ASIP: variants seen among roughly 807,000 people sequenced by gnomAD.
ASIP encodes agouti signaling protein.
In ASIP, 11 loss-of-function variants were observed where a neutral mutation model predicts 10.3. The observed-to-expected ratio is 1.07, with a 90% CI of 0.68 to 1.78. The LOEUF is 1.78. Ranked by LOEUF, ASIP falls within the 40% of genes most tolerant of loss-of-function variation. The probability of loss-of-function intolerance (pLI) is 0.00; values close to 1 mark genes in which losing one functional copy is unlikely to be tolerated. For missense variants in ASIP, 180 were observed against 169.2 expected (o/e 1.06, Z -0.35); for synonymous variants, 70 against 70.8 (o/e 0.99, Z 0.06).
At position 34,214,621 on chromosome 20, in the gene ASIP, G is replaced by A; in HGVS notation, c.-11+19861G>A. On this transcript the variant is annotated intron_variant, in intron 1 of 3. Transcript: ENST00000568305. Reference sequence around the variant, plus strand: ...CAGTAGTAACTCTCGTGAAACTTGAGCAAGCCTGTCCAACACTAACTTCAG... The same window carrying A: ...CAGTAGTAACTCTCGTGAAACTTGAACAAGCCTGTCCAACACTAACTTCAG... The A allele has an allele frequency of 2.3e-5, 28 of 1,205,840 alleles. No homozygotes were observed. The South Asian group carries it at 3.4e-4, about 14-fold the overall frequency. 74.7% of individuals were successfully genotyped at this position (1,205,840 alleles called of 1,614,324 possible).
At chr20:34,234,317 A>C (rs577597508) in intron 1 of ASIP, among the ~76,000 whole-genome samples, 12 of 152,308 alleles carry the variant, frequency 7.9e-5, no homozygotes, top group African/African-American at 2.9e-4. Flanking sequence ...CTAGTGCCTA[A>C]GAATCAGTAA....
At chr20:34,222,968 C>T (rs2035059900) in intron 1 of ASIP, among the ~76,000 whole-genome samples, 1 of 152,108 alleles carries the variant, frequency 6.6e-6, no homozygotes. Context: ...GGCGTGATCT[C>T]GGCTCACTAC....
At chr20:34,187,799 A>C in the ASIP span, among the ~76,000 whole-genome samples, 1 of 152,214 alleles carries the variant, frequency 6.6e-6, no homozygotes, top group Admixed American at 6.5e-5. Flanking sequence ...CTTTAAGAGG[A>C]AAAGATACTT....
chr20:34,224,190 G>A (rs1162508965), intron 1 of ASIP, among the ~76,000 whole-genome samples: 2 of 148,726 alleles, frequency 1.3e-5, no homozygotes, highest in South Asian at 4.3e-4. Flanking sequence ...ATCCCCCTCT[G>A]TGAGAAACAC....
Position 34,233,527 on chromosome 20 carries a change from A to G in ASIP, c.-10-26838A>G, listed in dbSNP as rs574204262. ...CTACATACTGTAGGATGGTTGCACA[A>G]CTCTGTGAATAAACTAAAAACCTTC... On this transcript the variant is annotated intron_variant, in intron 1 of 3. Coordinates refer to the ASIP transcript ENST00000568305. 3.9e-5 allele frequency among the ~76,000 whole-genome samples: 6 copies of G among 152,272 alleles called. No individual in the cohort carries two copies. In the South Asian group the frequency reaches 1.2e-3, roughly 32 times the overall value.
intron 1 of ASIP, among the ~76,000 whole-genome samples, chr20:34,234,597 C>T (rs555243797): frequency 6.6e-6 from 1 of 151,740 alleles, no homozygotes; most frequent in African/African-American, 2.4e-5. Context: ...GACAGTGGTC[C>T]TATAAACCAG....
intron 1 of ASIP, among the ~76,000 whole-genome samples, chr20:34,226,306 T>A (rs2035092682): frequency 6.6e-6 from 1 of 152,208 alleles, no homozygotes. Flanking sequence ...ACATTTTCAA[T>A]AAATACATTA....
chr20:34,258,696 C>CACA (rs1280206295), intron 1 of ASIP, among the ~76,000 whole-genome samples: 1 of 11,652 alleles, frequency 8.6e-5, no homozygotes, highest in Non-Finnish European at 2.3e-4. Context: ...TATATACATA[C>CACA]TATATATATA....
At chr20:34,249,713 C>T (rs1440981119) in intron 1 of ASIP, among the ~76,000 whole-genome samples, 1 of 152,146 alleles carries the variant, frequency 6.6e-6, no homozygotes, top group Admixed American at 6.5e-5. Flanking sequence ...TTGTTAGTTA[C>T]TTGTCTCTCT....
chr20:34,246,935 T>C (rs1039690440), intron 1 of ASIP, among the ~76,000 whole-genome samples: 2 of 152,170 alleles, frequency 1.3e-5, no homozygotes, highest in Non-Finnish European at 2.9e-5. Flanking sequence ...GAGTTTAACA[T>C]TTTATGTTTT....
chr20:34,202,305 T>C (rs981090011), intron 1 of ASIP, among the ~76,000 whole-genome samples: 6 of 152,232 alleles, frequency 3.9e-5, no homozygotes, highest in Non-Finnish European at 7.3e-5. Flanking sequence ...TATTGAGCAA[T>C]TGAAATACTA....
At chr20:34,254,915 G>A (rs2035542450) in intron 1 of ASIP, among the ~76,000 whole-genome samples, 1 of 152,108 alleles carries the variant, frequency 6.6e-6, no homozygotes, top group African/African-American at 2.4e-5. Flanking sequence ...ACCAATCCAA[G>A]ACTCAGTCCA....
intron 1 of ASIP, among the ~76,000 whole-genome samples, chr20:34,235,805 GAAAGA>G (rs1372936222): frequency 1.9e-5 from 1 of 54,036 alleles, no homozygotes; most frequent in African/African-American, 2.1e-4. Flanking sequence ...AAGAAAGAAA[GAAAGA>G]AAGAAAGAAA....
chr20:34,212,181 T>C (rs1181188059), intron 1 of ASIP, among the ~76,000 whole-genome samples: 3 of 152,344 alleles, frequency 2.0e-5, no homozygotes, highest in Non-Finnish European at 2.9e-5. Flanking sequence ...ACTCACCTAA[T>C]AGATTACTCT....
At chr20:34,253,140 C>T (rs2035507648) in intron 1 of ASIP, among the ~76,000 whole-genome samples, 1 of 151,302 alleles carries the variant, frequency 6.6e-6, no homozygotes, top group Non-Finnish European at 1.5e-5. Context: ...CGAAGTCTCG[C>T]TCTGTTGCCC....
chr20:34,215,019 C>A, intron 1 of ASIP: 2 of 1,450,432 alleles, frequency 1.4e-6, no homozygotes, highest in South Asian at 2.3e-5. Flanking sequence ...TCTTCCTGGT[C>A]AATGCTGAAA....
intron 1 of ASIP, among the ~76,000 whole-genome samples, chr20:34,204,835 A>G (rs1176313758): frequency 6.6e-6 from 1 of 152,126 alleles, no homozygotes; most frequent in Non-Finnish European, 1.5e-5. Flanking sequence ...TTTATTTTCT[A>G]TTTTTATGGA....
At chr20:34,214,955 C>G in intron 1 of ASIP, 1 of 1,394,140 alleles carries the variant, frequency 7.2e-7, no homozygotes, top group Non-Finnish European at 1.0e-6. Flanking sequence ...CTCCAACTAA[C>G]TATCCATGAC....
chr20:34,245,868 A>T, intron 1 of ASIP: 1 of 893,768 alleles, frequency 1.1e-6, no homozygotes, highest in Non-Finnish European at 1.5e-6. Context: ...CAGTAAATAT[A>T]TATATATGTA....
Sources: allele counts gnomAD v4.1 joint callset (sites outside exome capture counted in the v4.1 genomes callset), GRCh38; gene constraint gnomAD v4.1.1; transcripts MANE v1.5; gene names NCBI Gene and HGNC (gene_info 2026-07-23, HGNC 2026-07-21).